The following NRAP variants were observed in gnomAD, a reference collection of about 807,000 sequenced individuals.
NRAP encodes nebulin related anchoring protein, also known as nebulin-related-anchoring protein.
NRAP carries 189 observed loss-of-function variants against 225.9 expected under a neutral mutation model. The observed-to-expected ratio is 0.84, with a 90% CI of 0.74 to 0.94. NRAP has a LOEUF of 0.94. NRAP is among the 40% of genes least tolerant of loss of function. The pLI, the probability that NRAP is intolerant of heterozygous loss-of-function variation, is 0.00. For synonymous variants in NRAP, 769 were observed against 790.7 expected, an observed-to-expected ratio of 0.97 and a Z score of 0.46; for missense variants, 2,176 against 2,168.7, an observed-to-expected ratio of 1.00 and a Z score of -0.07.
At chr10:113,644,147 CA>C (rs60015356) in intron 11 of NRAP, among the ~76,000 whole-genome samples, 12 of 47,984 alleles carry the variant, frequency 2.5e-4, no homozygotes, top group East Asian at 1.6e-3. Context: ...AACTCCCTCT[CA>C]AAAAAAAAAA....
At chr10:113,662,227 T>G (rs184801090) in intron 3 of NRAP, among the ~76,000 whole-genome samples, 169 of 152,298 alleles carry the variant, frequency 1.1e-3, no homozygotes, top group African/African-American at 3.8e-3. Flanking sequence ...GTGCCTAGCA[T>G]TGTTAATCGG....
chr10:113,598,011 T>C lies in NRAP; in HGVS notation c.4290A>G (p.Pro1430=), dbSNP rs764275186. 5 of 1,613,880 alleles carry C rather than the reference T, an allele frequency of 3.1e-6. No individual in the cohort carries two copies. The East Asian group carries it at 8.9e-5, about 29-fold the overall frequency. The part of the protein sequence containing the change: ...KGIGWLALRS[P]QMESAKKAGE... The stretch of plus-strand genomic sequence containing the variant: ...CAGCCTTCTTTGCACTCTCCATCTG[T>C]GGGGATCTCAGCGCCAGCCATCCTA... The change falls in exon 36 of 42, where the codon CCA becomes CCG. Residue 1430 remains proline (P), a synonymous_variant. Coordinates refer to ENST00000359988, the MANE Select transcript of NRAP (RefSeq NM_198060.4).
intron 14 of NRAP, among the ~76,000 whole-genome samples, chr10:113,635,913 C>T (rs1848842241): frequency 6.6e-6 from 1 of 152,220 alleles, no homozygotes; most frequent in Non-Finnish European, 1.5e-5. Flanking sequence ...CAAACTCAGA[C>T]ATTCCCTGCC....
intron 27 of NRAP, 152 bp downstream of exon 27, chr10:113,615,560 G>A (rs1054825337): frequency 4.6e-6 from 3 of 648,216 alleles, no homozygotes; most frequent in Admixed American, 2.2e-5. Flanking sequence ...AAAATGTGGG[G>A]CCCCTTGTTC....
At chr10:113,640,443 C>A (rs771212816) in intron 13 of NRAP, 112 bp from the exon 14 acceptor site, 2 of 576,476 alleles carry the variant, frequency 3.5e-6, no homozygotes, top group African/African-American at 2.0e-5. Flanking sequence ...AATTCAGTTT[C>A]ATCACCTTCA....
chr10:113,647,886 C>T (rs1320374460), intron 9 of NRAP, among the ~76,000 whole-genome samples: 1 of 152,170 alleles, frequency 6.6e-6, no homozygotes. Flanking sequence ...TTCCCCACAC[C>T]ATCCATCCAC....
chr10:113,631,823 T>C, intron 17 of NRAP, 34 bp downstream of exon 17: 3 of 1,329,494 alleles, frequency 2.3e-6, no homozygotes, highest in Non-Finnish European at 3.3e-6. Context: ...GAACCATTTC[T>C]TATGCATTCC....
intron 11 of NRAP, 46 bp downstream of exon 11, chr10:113,645,779 A>C: frequency 1.0e-6 from 1 of 976,970 alleles, no homozygotes; most frequent in Admixed American, 2.0e-5. Flanking sequence ...ACTATAGGAG[A>C]TAAAAGAGGT....
Position 113,590,740 on chromosome 10 carries a change from G to A in NRAP, c.4794C>T (p.Ser1598=). Residue 1598 remains serine (S), a synonymous_variant, in exon 40 of 42, where the codon TCC becomes TCT. Coordinates refer to ENST00000359988, the MANE Select transcript of NRAP (RefSeq NM_198060.4). Reference sequence around the variant, plus strand: ...GCTGGTCTGTGCTGCTGTGAAACTGGGACCGACTCTTGGCAAAGTCCTTCT... The same window carrying A: ...GCTGGTCTGTGCTGCTGTGAAACTGAGACCGACTCTTGGCAAAGTCCTTCT... The part of the protein sequence containing the change: ...EYKKDFAKSR[S]QFHSSTDQPG... 1.2e-6 allele frequency: 2 copies of A among 1,614,208 alleles called. No individual in the cohort carries two copies. The highest frequency in any genetic ancestry group is 1.7e-6 in the Non-Finnish European group (2 of 1,180,026).
chr10:113,590,453 G>A, intron 40 of NRAP, 125 bp downstream of exon 40: 2 of 828,900 alleles, frequency 2.4e-6, no homozygotes, highest in Non-Finnish European at 1.9e-6. Context: ...TAAAGTGTTA[G>A]GTGTCTTGGA....
Position 113,650,551 on chromosome 10 carries a change from A to C in NRAP, c.676-6T>G, listed in dbSNP as rs761611962. 11 of 1,559,098 alleles carry C rather than the reference A, an allele frequency of 7.1e-6. No individual in the cohort carries two copies. The highest frequency in any genetic ancestry group is 8.0e-6 in the Non-Finnish European group (9 of 1,129,790). On this transcript the variant is annotated splice_polypyrimidine_tract_variant and splice_region_variant and intron_variant, in intron 7 of 41. Transcript: ENST00000359988. ...TAGTCCTCTGTGTATCTCACCTGAA[A>C]TGAAAAAACATGTGAATCACATGCC...
chr10:113,657,492 T>C lies in NRAP; in HGVS notation c.338A>G (p.Asn113Ser). 1 of 1,598,290 alleles carries C rather than the reference T, an allele frequency of 6.3e-7. No individual in the cohort carries two copies. Among genetic ancestry groups the C allele is most frequent in the Non-Finnish European group, 8.6e-7 (1 of 1,165,566 alleles). Residue 113 changes from asparagine (N) to serine (S), a missense_variant, in exon 4 of 42, where the codon AAC (asparagine) becomes AGC (serine). Physicochemically the swap from Asn to Ser is conservative, Grantham distance 46. Coordinates refer to ENST00000359988, the MANE Select transcript of NRAP (RefSeq NM_198060.4). Reference protein sequence around the residue: ...MKSKDKEGAPNRQPLANERAY... With the variant: ...MKSKDKEGAPSRQPLANERAY... ...CACCTCATTTGCCAGTGGCTGCCTG[T>C]TAGGTGCACCTTCCTTATCCTTGGA...
At chr10:113,629,159 G>A (rs1233213985) in intron 19 of NRAP, 138 bp from the exon 20 acceptor site, 2 of 702,904 alleles carry the variant, frequency 2.8e-6, no homozygotes, top group Non-Finnish European at 5.0e-6. Context: ...TGGTCAGGCA[G>A]ATCTCCACTT....
chr10:113,628,076 G>A (rs183962802), intron 20 of NRAP, among the ~76,000 whole-genome samples: 9 of 152,274 alleles, frequency 5.9e-5, no homozygotes, highest in Admixed American at 2.0e-4. Flanking sequence ...TCCTTCAAAC[G>A]TCCTCCTCTG....
intron 25 of NRAP, among the ~76,000 whole-genome samples, chr10:113,617,861 T>C (rs1847761733): frequency 6.6e-6 from 1 of 152,190 alleles, no homozygotes; most frequent in Admixed American, 6.5e-5. Context: ...CTTCAAATAC[T>C]TTGTCGCAGT....
intron 22 of NRAP, 90 bp from the exon 23 acceptor site, chr10:113,623,726 A>G: frequency 4.8e-6 from 4 of 840,086 alleles, no homozygotes; most frequent in Non-Finnish European, 8.0e-6. Flanking sequence ...TGACGATTCT[A>G]GGAAAGCAAT....
intron 14 of NRAP, among the ~76,000 whole-genome samples, chr10:113,636,864 G>A (rs550762040): frequency 1.0e-3 from 159 of 152,126 alleles, no homozygotes; most frequent in Non-Finnish European, 1.2e-3. Context: ...AAAATTAGCC[G>A]GGCGTGGTGG....
intron 14 of NRAP, among the ~76,000 whole-genome samples, chr10:113,636,919 A>G (rs934613157): frequency 2.0e-5 from 3 of 151,670 alleles, no homozygotes; most frequent in African/African-American, 7.3e-5. Flanking sequence ...AGGCAGGAGA[A>G]TCGCTTAAAT....
At chr10:113,589,284 G>A (rs1845788685) in intron 41 of NRAP, 1 of 585,878 alleles carries the variant, frequency 1.7e-6, no homozygotes, top group Non-Finnish European at 3.0e-6. Context: ...ATTTAGACCT[G>A]GCTTCTTTCT....
Sources: allele counts gnomAD v4.1 joint callset (sites outside exome capture counted in the v4.1 genomes callset), GRCh38; gene constraint gnomAD v4.1.1; transcripts MANE v1.5; gene names NCBI Gene and HGNC (gene_info 2026-07-23, HGNC 2026-07-21).